SOX5: variants seen among roughly 807,000 people sequenced by gnomAD.
The protein encoded by SOX5 is SRY-box transcription factor 5, also known as transcription factor SOX-5.
A neutral mutation model predicts 92.0 loss-of-function variants in SOX5; 9 were observed. The observed-to-expected ratio is 0.10, with a 90% CI of 0.06 to 0.17. The LOEUF is 0.17. SOX5 is among the 10% of genes least tolerant of loss of function. SOX5 has a pLI of 1.00. For synonymous variants in SOX5, 344 were observed against 336.3 expected (o/e 1.02, Z -0.25); for missense variants, 642 against 944.5 (o/e 0.68, Z 4.20).
At chr12:24,498,482 A>G (rs1947868441) in intron 1 of SOX5, among the ~76,000 whole-genome samples, 1 of 152,188 alleles carries the variant, frequency 6.6e-6, no homozygotes, top group South Asian at 2.1e-4. Flanking sequence ...ACCATTAAAT[A>G]GGAGTGTTAC....
At chr12:23,608,115 GAAAAAAAAAAAAAAAA>G (rs772255622) in intron 8 of SOX5, among the ~76,000 whole-genome samples, 1 of 44,064 alleles carries the variant, frequency 2.3e-5, no homozygotes, top group Non-Finnish European at 4.3e-5. Context: ...AAAGAAAAAA[GAAAAAAAAAAAAAAAA>G]AAAAAAAAAA....
chr12:24,268,416 A>G (rs1253102802), intron 3 of SOX5, among the ~76,000 whole-genome samples: 1 of 152,196 alleles, frequency 6.6e-6, no homozygotes, highest in East Asian at 1.9e-4. Flanking sequence ...CCAAGCTGAA[A>G]GTATATTAAA....
intron 10 of SOX5, among the ~76,000 whole-genome samples, chr12:23,573,223 T>C (rs1374623246): frequency 6.6e-6 from 1 of 152,182 alleles, no homozygotes; most frequent in African/African-American, 2.4e-5. Context: ...CTGTCTCTAC[T>C]TAGCCTTCTC....
chr12:24,222,608 T>C (rs1960754286), intron 3 of SOX5, among the ~76,000 whole-genome samples: 1 of 152,190 alleles, frequency 6.6e-6, no homozygotes, highest in Non-Finnish European at 1.5e-5. Context: ...ATCTAGGTTT[T>C]ATGCAAGAAT....
At chr12:24,138,770 C>T (rs61912464) in intron 4 of SOX5, among the ~76,000 whole-genome samples, 27,062 of 152,140 alleles carry the variant, frequency 0.18, 2,688 homozygotes, top group Non-Finnish European at 0.23. Flanking sequence ...ACTTCAGAGA[C>T]ATAAAAATTT....
At chr12:24,048,723 T>G (rs1957275632) in intron 4 of SOX5, among the ~76,000 whole-genome samples, 1 of 152,222 alleles carries the variant, frequency 6.6e-6, no homozygotes, top group South Asian at 2.1e-4. Context: ...GAACGAAGCT[T>G]GAAAACATTA....
chr12:23,915,879 GA>G (rs1244983058), intron 1 of SOX5, among the ~76,000 whole-genome samples: 1 of 152,148 alleles, frequency 6.6e-6, no homozygotes, highest in African/African-American at 2.4e-5. Context: ...TCCAGACAAA[GA>G]AATGGGTGTC....
intron 3 of SOX5, chr12:23,762,544 A>T: frequency 1.9e-6 from 1 of 529,558 alleles, no homozygotes. Flanking sequence ...GAAATACTTT[A>T]CGTTTAGTAT....
chr12:23,837,989 T>A (rs1568211624), intron 3 of SOX5, among the ~76,000 whole-genome samples: 1 of 126,060 alleles, frequency 7.9e-6, no homozygotes, highest in African/African-American at 3.0e-5. Flanking sequence ...ATATTTATAT[T>A]TATATAATGT....
At chr12:23,905,398 C>A (rs1056073718) in intron 1 of SOX5, among the ~76,000 whole-genome samples, 1 of 152,078 alleles carries the variant, frequency 6.6e-6, no homozygotes, top group South Asian at 2.1e-4. Context: ...GCTGGAGACA[C>A]CCAGAAAATG....
intron 6 of SOX5, among the ~76,000 whole-genome samples, chr12:23,721,500 CA>C (rs1167223897): frequency 1.5e-4 from 22 of 143,834 alleles, no homozygotes; most frequent in Admixed American, 4.2e-4. Flanking sequence ...TTACCCTCAT[CA>C]AAAAAAAAAA....
chr12:23,863,790 C>G (rs1050841015), intron 2 of SOX5, among the ~76,000 whole-genome samples: 1 of 131,506 alleles, frequency 7.6e-6, no homozygotes, highest in African/African-American at 2.9e-5. Flanking sequence ...ATTTTAAACA[C>G]ACTACACACA....
intron 4 of SOX5, among the ~76,000 whole-genome samples, chr12:24,112,850 G>T (rs1947535299): frequency 1.3e-5 from 2 of 151,724 alleles, no homozygotes; most frequent in Admixed American, 6.6e-5. Context: ...TAAGGTATTT[G>T]TTTCCTAATC....
chr12:24,219,249 G>A (rs4270009), intron 3 of SOX5, among the ~76,000 whole-genome samples: 22,719 of 151,932 alleles, frequency 0.15, 1,952 homozygotes, highest in African/African-American at 0.23. Flanking sequence ...TAGCACAATA[G>A]GGTGACTACA....
intron 7 of SOX5, among the ~76,000 whole-genome samples, chr12:23,644,749 CA>C (rs1289734664): frequency 6.6e-6 from 1 of 152,104 alleles, no homozygotes; most frequent in Non-Finnish European, 1.5e-5. Context: ...TTTAATCTTC[CA>C]AACACTATCC....
chr12:23,601,442 C>G (rs2074481312), intron 9 of SOX5, among the ~76,000 whole-genome samples: 2 of 152,230 alleles, frequency 1.3e-5, no homozygotes, highest in Admixed American at 1.3e-4. Flanking sequence ...AGCAAATGTA[C>G]TTTTAACTTA....
At chr12:24,460,145 A>G (rs1943462877) in intron 1 of SOX5, among the ~76,000 whole-genome samples, 1 of 152,224 alleles carries the variant, frequency 6.6e-6, no homozygotes, top group African/African-American at 2.4e-5. Context: ...TCACCTTCCT[A>G]ACAGTGCTGG....
chr12:23,839,828 T>A (rs890182863), intron 3 of SOX5, among the ~76,000 whole-genome samples: 18 of 146,586 alleles, frequency 1.2e-4, no homozygotes, highest in Non-Finnish European at 2.4e-4. Context: ...CTCAACTTGG[T>A]AAAAAAAAAA....
At chr12:24,116,606 A>T (rs763166659) in intron 4 of SOX5, among the ~76,000 whole-genome samples, 4 of 152,168 alleles carry the variant, frequency 2.6e-5, no homozygotes, top group Non-Finnish European at 5.9e-5. Context: ...GATTAATGAA[A>T]ATAAAGATGT....
Sources: allele counts gnomAD v4.1 joint callset (sites outside exome capture counted in the v4.1 genomes callset), GRCh38; gene constraint gnomAD v4.1.1; transcripts MANE v1.5; gene names NCBI Gene and HGNC (gene_info 2026-07-23, HGNC 2026-07-21).